Variants in KIRREL3 observed in about 807,000 individuals in gnomAD.
KIRREL3 encodes the protein kin of IRRE-like protein 3.
KIRREL3 carries 36 observed loss-of-function variants against 89.7 expected under a neutral mutation model. The ratio of observed to expected loss-of-function variants is 0.40; its 90% CI spans 0.31 to 0.53. The LOEUF (loss-of-function observed/expected upper bound fraction) is 0.53. Among genes scored for constraint, KIRREL3 ranks in the 20% least tolerant of loss-of-function variants. KIRREL3 has a pLI of 0.49. For missense variants in KIRREL3, 864 were observed against 1,056.6 expected (o/e 0.82, Z 2.53); for synonymous variants, 445 against 441.4 (o/e 1.01, Z -0.10).
rs1946262495 is a variant in KIRREL3, at chr11:126,677,759, G to T, written c.56-114847C>A. Among the ~76,000 whole-genome samples the T allele has an allele frequency of 6.6e-6, 1 of 152,136 alleles. No individual in the cohort carries two copies. The highest frequency in any genetic ancestry group is 2.4e-5 in the African/African-American group (1 of 41,412). ...CAAAGCAGGACAGAGCTAATTCCAG[G>T]AACAACTGCACATTTGTCCACTGGT... On this transcript the variant is annotated intron_variant, in intron 1 of 16. Coordinates refer to ENST00000525144, the MANE Select transcript of KIRREL3 (RefSeq NM_032531.4). The surrounding 1 kb of genome is among the most constrained non-coding windows in gnomAD (Gnocchi z 5.1).
chr11:126,442,942 G>T (rs745902618), intron 10 of KIRREL3, among the ~76,000 whole-genome samples: 62 of 152,334 alleles, frequency 4.1e-4, no homozygotes, highest in Non-Finnish European at 7.4e-4. Context: ...AAGAGACCTG[G>T]AGAGTGCAGA....
intron 7 of KIRREL3, among the ~76,000 whole-genome samples, chr11:126,451,161 G>C (rs944700842): frequency 6.6e-6 from 1 of 151,156 alleles, no homozygotes; most frequent in South Asian, 2.1e-4. Flanking sequence ...ATGTGGGCAC[G>C]TGTGAATGTG....
At chr11:126,671,734 C>G (rs1945960891) in intron 1 of KIRREL3, among the ~76,000 whole-genome samples, 2 of 152,084 alleles carry the variant, frequency 1.3e-5, no homozygotes, top group Admixed American at 1.3e-4. Flanking sequence ...CAACATACCT[C>G]TACACACCTC....
chr11:126,590,192 T>C (rs1942069683), intron 1 of KIRREL3, among the ~76,000 whole-genome samples: 1 of 152,216 alleles, frequency 6.6e-6, no homozygotes, highest in South Asian at 2.1e-4. Flanking sequence ...TGGTTATTCG[T>C]TTTGTTAATA....
chr11:126,787,955 T>C (rs1950530115), intron 1 of KIRREL3, among the ~76,000 whole-genome samples: 1 of 152,256 alleles, frequency 6.6e-6, no homozygotes, highest in Non-Finnish European at 1.5e-5. Flanking sequence ...TATTGAATCC[T>C]CACAACTCTA....
At position 126,955,550 on chromosome 11, in the gene KIRREL3, G is replaced by C. The variant is rs1187129414; in HGVS notation, c.55+44905C>G. 6.6e-6 allele frequency among the ~76,000 whole-genome samples: 1 copy of C among 152,210 alleles called. No homozygotes were observed. Reference sequence around the variant, plus strand: ...GTGAAGGTGGTTTGTCCTCCAGTGTGTGTTGGCCAGGGAGACTTCCTTGCT... The same window carrying C: ...GTGAAGGTGGTTTGTCCTCCAGTGTCTGTTGGCCAGGGAGACTTCCTTGCT... On this transcript the variant is annotated intron_variant, in intron 1 of 16. Coordinates refer to ENST00000525144, the MANE Select transcript of KIRREL3 (RefSeq NM_032531.4). This position sits in a 1 kb window ranked among gnomAD's most constrained non-coding sequence, Gnocchi z 4.6.
At chr11:126,848,375 A>C (rs187221472) in intron 1 of KIRREL3, among the ~76,000 whole-genome samples, 1 of 152,348 alleles carries the variant, frequency 6.6e-6, no homozygotes, top group African/African-American at 2.4e-5. Context: ...GAGAAAAATT[A>C]TGTTTCAAGA....
At position 126,689,687 on chromosome 11, in the gene KIRREL3, C is replaced by T. The variant is rs530583733; in HGVS notation, c.56-126775G>A. 1.4e-4 allele frequency among the ~76,000 whole-genome samples: 22 copies of T among 152,338 alleles called. No individual in the cohort carries two copies. Among genetic ancestry groups the T allele is most frequent in the African/African-American group, 5.3e-4 (22 of 41,584 alleles). On this transcript the variant is annotated intron_variant, in intron 1 of 16. Coordinates refer to ENST00000525144, the MANE Select transcript of KIRREL3 (RefSeq NM_032531.4). The surrounding 1 kb of genome is among the most constrained non-coding windows in gnomAD (Gnocchi z 5.2). ...CAAGGGCCTGGCTTTTACGCAGTTT[C>T]GCTTCAAGTCAGTGCAACTAGCTAC... is the stretch of plus-strand genomic sequence containing the variant.
At chr11:126,604,148 C>G (rs1942785015) in intron 1 of KIRREL3, among the ~76,000 whole-genome samples, 1 of 152,122 alleles carries the variant, frequency 6.6e-6, no homozygotes, top group African/African-American at 2.4e-5. Flanking sequence ...CTGTGGAAAT[C>G]AAAGATGAAT....
intron 1 of KIRREL3, among the ~76,000 whole-genome samples, chr11:126,899,991 T>A (rs920323987): frequency 1.3e-5 from 2 of 152,140 alleles, no homozygotes; most frequent in Non-Finnish European, 2.9e-5. Context: ...TTAAGCAAAT[T>A]TGGGATGAGG....
At position 126,923,245 on chromosome 11, in the gene KIRREL3, T is replaced by G. The variant is rs866672667; in HGVS notation, c.55+77210A>C. Among the ~76,000 whole-genome samples the G allele has an allele frequency of 1.9e-4, 11 of 57,658 alleles. 2 individuals are homozygous for G. Among genetic ancestry groups the G allele is most frequent in the Non-Finnish European group, 3.0e-4 (8 of 26,490 alleles). The allele number at this position is 57,658 out of a possible 152,430, so 37.8% of individuals were successfully genotyped here. A position where few individuals can be genotyped will look rare whatever the true frequency, so the allele number is the denominator to read the frequency against. On this transcript the variant is annotated intron_variant, in intron 1 of 16. Transcript: ENST00000525144. ...TTCTTCTTCTTCTTCTTCTTCTTCT[T>G]CTTCTTCTTCTTCTTCTTCTTCTCC... is the stretch of plus-strand genomic sequence containing the variant.
rs992924592 is a variant in KIRREL3 at position 126,451,105 on chromosome 11, ATGTGTGCATGTGTG to A, written c.849-1962_849-1949del. ...CGTGTGTGCATATGTGTCCATGTGC[ATGTGTGCATGTGTG>A]TGTGTGCATGTGCATGTGTGTGCAT... On this transcript the variant is annotated intron_variant, in intron 7 of 16. Transcript: ENST00000525144. Among the ~76,000 whole-genome samples the A allele has an allele frequency of 3.4e-4, 28 of 83,158 alleles. No homozygotes were observed. The East Asian group carries it at 7.4e-3, about 22-fold the overall frequency. 54.6% of individuals were successfully genotyped at this position (83,158 alleles called of 152,430 possible). A position where few individuals can be genotyped will look rare whatever the true frequency, so the allele number is the denominator to read the frequency against.
At chr11:126,660,709 G>A (rs1945360084) in intron 1 of KIRREL3, among the ~76,000 whole-genome samples, 1 of 152,160 alleles carries the variant, frequency 6.6e-6, no homozygotes, top group South Asian at 2.1e-4. Flanking sequence ...CACATTGATT[G>A]CCAAGTCAGT....
chr11:126,827,823 T>C (rs1299753557), intron 1 of KIRREL3, among the ~76,000 whole-genome samples: 1 of 152,156 alleles, frequency 6.6e-6, no homozygotes, highest in Non-Finnish European at 1.5e-5. Context: ...GCAATTTTCT[T>C]CCTGTTTTTA....
rs140323999 is a variant in KIRREL3 at position 126,492,664 on chromosome 11, T to C, written c.434-19198A>G. On this transcript the variant is annotated intron_variant, in intron 4 of 16. Coordinates refer to ENST00000525144, the MANE Select transcript of KIRREL3 (RefSeq NM_032531.4). The surrounding 1 kb of genome is among the most constrained non-coding windows in gnomAD (Gnocchi z 4.8). ...TGACTTCCTATCAAACTTTGATAAA[T>C]TGACTCTGAAAGGGCCTTTTCTTCC... is the stretch of plus-strand genomic sequence containing the variant. Among the ~76,000 whole-genome samples, 333 of 152,252 alleles carry C rather than the reference T, an allele frequency of 2.2e-3. No individual in the cohort carries two copies. Among genetic ancestry groups the C allele is most frequent in the Non-Finnish European group, 3.9e-3 (267 of 68,012 alleles).
In KIRREL3 at chr11:126,531,993, G is replaced by C. The variant is rs1958958686; in HGVS notation, c.134-5306C>G. Among the ~76,000 whole-genome samples the C allele has an allele frequency of 6.6e-6, 1 of 152,172 alleles. No homozygotes were observed. Among genetic ancestry groups the C allele is most frequent in the African/African-American group, 2.4e-5 (1 of 41,426 alleles). On this transcript the variant is annotated intron_variant, in intron 2 of 16. Coordinates refer to ENST00000525144, the MANE Select transcript of KIRREL3 (RefSeq NM_032531.4). This position sits in a 1 kb window ranked among gnomAD's most constrained non-coding sequence, Gnocchi z 4.7. Reference sequence around the variant, plus strand: ...ATACTGTTCAGAGCACACCACACAGGAGAAAGGTGAGAAATCACAGGGTGG... The same window carrying C: ...ATACTGTTCAGAGCACACCACACAGCAGAAAGGTGAGAAATCACAGGGTGG...
chr11:127,002,117 A>G (rs1421994071), upstream of KIRREL3, among the ~76,000 whole-genome samples: 1 of 152,210 alleles, frequency 6.6e-6, no homozygotes, highest in Non-Finnish European at 1.5e-5. Context: ...GCGGATGTTA[A>G]CTTTAAAAAA....
At chr11:126,654,769 G>T (rs1055120688) in intron 1 of KIRREL3, among the ~76,000 whole-genome samples, 1 of 152,080 alleles carries the variant, frequency 6.6e-6, no homozygotes, top group Admixed American at 6.5e-5. Flanking sequence ...TTTCTACACT[G>T]CTTCAATGCT....
In KIRREL3 at chr11:126,641,914, A is replaced by G. The variant is rs547920337; in HGVS notation, c.56-79002T>C. 9.8e-5 allele frequency among the ~76,000 whole-genome samples: 15 copies of G among 152,314 alleles called. No individual in the cohort carries two copies. In the South Asian group the frequency reaches 2.3e-3, roughly 23 times the overall value. On this transcript the variant is annotated intron_variant, in intron 1 of 16. Coordinates refer to ENST00000525144, the MANE Select transcript of KIRREL3 (RefSeq NM_032531.4). This position sits in a 1 kb window ranked among gnomAD's most constrained non-coding sequence, Gnocchi z 5.0. The stretch of plus-strand genomic sequence containing the variant: ...ACTTCCACTCTTTCTCAGGTCAGGA[A>G]CGTGTCAATTCTGCAACTTCAAGTG...
Sources: allele counts gnomAD v4.1 joint callset (sites outside exome capture counted in the v4.1 genomes callset), GRCh38; gene constraint gnomAD v4.1.1; non-coding constraint Gnocchi (gnomAD v3.1); transcripts MANE v1.5; gene names NCBI Gene and HGNC (gene_info 2026-07-23, HGNC 2026-07-21).